The following IFT52 variants were observed in gnomAD, a reference collection of about 807,000 sequenced individuals.
IFT52 encodes intraflagellar transport protein 52 homolog.
A neutral mutation model predicts 54.4 loss-of-function variants in IFT52; 44 were observed. The observed-to-expected ratio is 0.81, with a 90% CI of 0.63 to 1.04. The LOEUF is 1.04. IFT52 is among the 50% of genes least tolerant of loss of function. IFT52 has a pLI of 0.00. For missense variants in IFT52, 452 were observed against 523.6 expected, an observed-to-expected ratio of 0.86 and a Z score of 1.33; for synonymous variants, 181 against 185.3, an observed-to-expected ratio of 0.98 and a Z score of 0.19.
intron 1 of IFT52, among the ~76,000 whole-genome samples, chr20:43,592,194 T>G (rs919684141): frequency 5.3e-5 from 8 of 152,070 alleles, no homozygotes; most frequent in African/African-American, 1.9e-4. Flanking sequence ...GTCTCTACTA[T>G]GGCGCGCGCC....
At chr20:43,631,530 A>G (rs190930852) in intron 10 of IFT52, among the ~76,000 whole-genome samples, 1 of 152,348 alleles carries the variant, frequency 6.6e-6, no homozygotes, top group East Asian at 1.9e-4. Flanking sequence ...CTACAAATAT[A>G]TGTACAATTT....
At chr20:43,604,568 T>C (rs1982710058) in intron 5 of IFT52, among the ~76,000 whole-genome samples, 1 of 151,958 alleles carries the variant, frequency 6.6e-6, no homozygotes, top group Admixed American at 6.6e-5. Flanking sequence ...AGAGCGAGAC[T>C]TCATCTCAAA....
At chr20:43,600,758 G>A (rs1026324729) in intron 3 of IFT52, among the ~76,000 whole-genome samples, 13 of 152,072 alleles carry the variant, frequency 8.5e-5, no homozygotes, top group African/African-American at 3.1e-4. Flanking sequence ...AACACCAGAC[G>A]TCAGGAGTTT....
At chr20:43,611,772 G>A (rs931470461) in intron 6 of IFT52, among the ~76,000 whole-genome samples, 1 of 152,032 alleles carries the variant, frequency 6.6e-6, no homozygotes, top group Non-Finnish European at 1.5e-5. Flanking sequence ...GCTCACACCT[G>A]TAATCCCAGC....
intron 12 of IFT52, among the ~76,000 whole-genome samples, chr20:43,637,933 A>C (rs992393621): frequency 2.0e-5 from 3 of 152,152 alleles, no homozygotes; most frequent in Non-Finnish European, 2.9e-5. Flanking sequence ...AGGCCCAAAG[A>C]ATGATAGAGA....
intron 3 of IFT52, among the ~76,000 whole-genome samples, chr20:43,597,676 T>G (rs1601021486): frequency 6.6e-6 from 1 of 152,060 alleles, no homozygotes; most frequent in Non-Finnish European, 1.5e-5. Context: ...GGTGGATCAC[T>G]TGAGGTCAGG....
chr20:43,611,880 A>G (rs1483501066), intron 6 of IFT52, among the ~76,000 whole-genome samples: 1 of 151,772 alleles, frequency 6.6e-6, no homozygotes, highest in Non-Finnish European at 1.5e-5. Flanking sequence ...AAGTACAAAA[A>G]GTAGCCGGGC....
At position 43,596,287 on chromosome 20, in the gene IFT52, T is replaced by C. The variant is rs1218745714; in HGVS notation, c.120-148T>C. 5 of 566,386 alleles carry C rather than the reference T, an allele frequency of 8.8e-6. No individual in the cohort carries two copies. In the Admixed American group the frequency reaches 1.0e-4, roughly 12 times the overall value. 35.1% of individuals were successfully genotyped at this position (566,386 alleles called of 1,614,324 possible). On this transcript the variant is annotated intron_variant, in intron 2 of 13. Transcript: ENST00000373030. ...CAGGCCTGTAGAGGGAATTCTCACT[T>C]TGGGAGAGAGACTGGACCAGTTACC...
chr20:43,614,789 A>T (rs908104991), intron 7 of IFT52, among the ~76,000 whole-genome samples: 5 of 150,912 alleles, frequency 3.3e-5, no homozygotes, highest in Admixed American at 3.3e-4. Context: ...GTGACCCAAC[A>T]TCCCACTGCC....
At chr20:43,607,478 T>G (rs1219867582) in intron 6 of IFT52, among the ~76,000 whole-genome samples, 1 of 147,732 alleles carries the variant, frequency 6.8e-6, no homozygotes, top group Non-Finnish European at 1.5e-5. Context: ...GAGACACTCC[T>G]CACCTCCCAG....
chr20:43,597,466 C>T (rs754700237), intron 3 of IFT52, among the ~76,000 whole-genome samples: 8 of 151,890 alleles, frequency 5.3e-5, no homozygotes, highest in Non-Finnish European at 1.2e-4. Flanking sequence ...AAATGTAAGG[C>T]CCAGAATACA....
At position 43,646,010 on chromosome 20, in the gene IFT52, C is replaced by T. The variant is rs568522497; in HGVS notation, c.1267-926C>T. On this transcript the variant is annotated intron_variant, in intron 13 of 13. Transcript: ENST00000373030. ...GGATCATGAGGTCAGGAGATCGAGA[C>T]CATCCTGGCTAACATGTGAAACCCC... Among the ~76,000 whole-genome samples the T allele has an allele frequency of 3.4e-4, 51 of 151,350 alleles. 1 individual carries two copies. The highest frequency in any genetic ancestry group is 1.2e-3 in the African/African-American group (49 of 41,288).
intron 7 of IFT52, among the ~76,000 whole-genome samples, chr20:43,617,890 C>T (rs1983980431): frequency 6.6e-6 from 1 of 152,112 alleles, no homozygotes; most frequent in South Asian, 2.1e-4. Flanking sequence ...AGTACAGGTG[C>T]GTGCCACCAA....
At chr20:43,636,335 G>A (rs1985538373) in intron 11 of IFT52, among the ~76,000 whole-genome samples, 1 of 152,194 alleles carries the variant, frequency 6.6e-6, no homozygotes, top group South Asian at 2.1e-4. Context: ...GCCATTCCAG[G>A]TGTCAGGGCC....
At position 43,605,055 on chromosome 20, in the gene IFT52, G is replaced by A. The variant is rs772191929; in HGVS notation, c.467G>A (p.Ser156Asn). The change falls in exon 6 of 14, where the codon AGC becomes AAC. Residue 156 changes from serine (S) to asparagine (N), a missense_variant. Coordinates refer to ENST00000373030, the MANE Select transcript of IFT52 (RefSeq NM_016004.5). ...GTGCCTGGGATCATTGATGAGGAAA[G>A]CAGTGGAAACAATGCCCAGTGAGTG... ...KAVPGIIDEESSGNNAQALTF... is the reference protein window; with the variant it reads ...KAVPGIIDEENSGNNAQALTF... 2.5e-6 allele frequency: 4 copies of A among 1,613,724 alleles called. No homozygotes were observed. The South Asian group carries it at 4.4e-5, about 18-fold the overall frequency.
At chr20:43,639,389 G>A (rs1475610238) in intron 12 of IFT52, among the ~76,000 whole-genome samples, 2 of 151,446 alleles carry the variant, frequency 1.3e-5, no homozygotes, top group East Asian at 3.9e-4. Flanking sequence ...CAAAAAAAAA[G>A]GCTGGGTGCA....
intron 7 of IFT52, among the ~76,000 whole-genome samples, chr20:43,614,805 TTTTC>T (rs1306073542): frequency 2.6e-4 from 40 of 150,992 alleles, no homozygotes; most frequent in Non-Finnish European, 5.3e-4. Flanking sequence ...CTGCCTTTCT[TTTTC>T]TTTTTTTTTT....
chr20:43,620,343 C>T (rs1177769029), intron 8 of IFT52, among the ~76,000 whole-genome samples: 3 of 152,104 alleles, frequency 2.0e-5, no homozygotes, highest in Non-Finnish European at 4.4e-5. Flanking sequence ...CTTAAAGATA[C>T]ATTATAAATT....
chr20:43,613,089 G>T (rs1184311376), intron 6 of IFT52, among the ~76,000 whole-genome samples: 1 of 152,208 alleles, frequency 6.6e-6, no homozygotes, highest in East Asian at 1.9e-4. Context: ...GTGGAGAGTA[G>T]AGGAGGGACT....
Sources: allele counts gnomAD v4.1 joint callset (sites outside exome capture counted in the v4.1 genomes callset), GRCh38; gene constraint gnomAD v4.1.1; transcripts MANE v1.5; gene names NCBI Gene and HGNC (gene_info 2026-07-23, HGNC 2026-07-21).